The following TRHDE variants were observed in gnomAD, a reference collection of about 807,000 sequenced individuals.
The protein encoded by TRHDE is thyrotropin releasing hormone degrading enzyme, also known as thyrotropin-releasing hormone-degrading ectoenzyme.
Under a neutral mutation model 125.7 loss-of-function variants are expected in TRHDE, and 72 were observed. The ratio of observed to expected loss-of-function variants is 0.57; its 90% CI spans 0.47 to 0.70. The LOEUF is 0.70. TRHDE is among the 30% of genes least tolerant of loss of function. The pLI, the probability that TRHDE is intolerant of heterozygous loss-of-function variation, is 0.00. For synonymous variants in TRHDE, 509 were observed against 509.1 expected, an observed-to-expected ratio of 1.00 and a Z score of 0.00; for missense variants, 1,110 against 1,327.1, an observed-to-expected ratio of 0.84 and a Z score of 2.54.
Position 72,563,489 on chromosome 12 carries a change from C to A in TRHDE, c.2042+449C>A, listed in dbSNP as rs572231779. Among the ~76,000 whole-genome samples, 10 of 152,134 alleles carry A rather than the reference C, an allele frequency of 6.6e-5. No homozygotes were observed. The South Asian group carries it at 2.1e-3, about 32-fold the overall frequency. ...ATGTCTGAGTCAAAGGAATTTAAAA[C>A]GATACCTTAAAATGATCTAATGATT... On this transcript the variant is annotated intron_variant, in intron 9 of 18. Transcript: ENST00000261180.
chr12:72,261,079 T>A (rs941283147), intron 2 of TRHDE, among the ~76,000 whole-genome samples: 1 of 152,202 alleles, frequency 6.6e-6, no homozygotes, highest in Non-Finnish European at 1.5e-5. Flanking sequence ...ATGCACAGTT[T>A]AAGAAAGATT....
chr12:72,139,788 C>T (rs1876071210), intron 2 of TRHDE, among the ~76,000 whole-genome samples: 2 of 152,204 alleles, frequency 1.3e-5, no homozygotes, highest in Admixed American at 6.5e-5. Flanking sequence ...CGAATGGACC[C>T]CTCTTCTCGG....
intron 1 of TRHDE, among the ~76,000 whole-genome samples, chr12:72,097,279 C>A (rs1314051227): frequency 6.6e-6 from 1 of 152,110 alleles, no homozygotes; most frequent in African/African-American, 2.4e-5. Flanking sequence ...ACCTATGCTT[C>A]TGATAATAGG....
At chr12:72,310,461 A>T (rs530480243) in intron 2 of TRHDE, among the ~76,000 whole-genome samples, 2 of 152,358 alleles carry the variant, frequency 1.3e-5, no homozygotes, top group African/African-American at 4.8e-5. Flanking sequence ...TAATATACAT[A>T]AAAGTGTTCT....
intron 3 of TRHDE, among the ~76,000 whole-genome samples, chr12:72,468,854 A>T (rs1464103473): frequency 6.6e-6 from 1 of 152,124 alleles, no homozygotes; most frequent in Non-Finnish European, 1.5e-5. Context: ...TGGTCCAGGG[A>T]GAGGTTTATT....
At chr12:72,534,388 G>A (rs1171731583) in intron 6 of TRHDE, among the ~76,000 whole-genome samples, 1 of 151,982 alleles carries the variant, frequency 6.6e-6, no homozygotes, top group Non-Finnish European at 1.5e-5. Context: ...TCTTGTTGCT[G>A]GTATCTATGG....
intron 2 of TRHDE, among the ~76,000 whole-genome samples, chr12:72,233,528 TAAG>T (rs1486414380): frequency 6.6e-6 from 1 of 152,050 alleles, no homozygotes; most frequent in African/African-American, 2.4e-5. Context: ...AGTATAATAA[TAAG>T]AAGCAAATTT....
intron 9 of TRHDE, among the ~76,000 whole-genome samples, chr12:72,566,700 A>C (rs1466296975): frequency 2.0e-5 from 3 of 151,938 alleles, no homozygotes; most frequent in African/African-American, 7.2e-5. Context: ...GAGAATTTTT[A>C]AATGTCCTCA....
At position 72,584,121 on chromosome 12, in the gene TRHDE, C is replaced by G. The variant is rs559747925; in HGVS notation, c.2321+8579C>G. Reference sequence around the variant, plus strand: ...ACTTTTAGATTGTGCTGCATTAAATCAAAAGCAAATTTGTAACCTTCCAGT... The same window carrying G: ...ACTTTTAGATTGTGCTGCATTAAATGAAAAGCAAATTTGTAACCTTCCAGT... On this transcript the variant is annotated intron_variant, in intron 12 of 18. Coordinates refer to ENST00000261180, the MANE Select transcript of TRHDE (RefSeq NM_013381.3). 2.6e-5 allele frequency among the ~76,000 whole-genome samples: 4 copies of G among 152,096 alleles called. No homozygotes were observed. In the South Asian group the frequency reaches 6.2e-4, roughly 24 times the overall value.
intron 2 of TRHDE, among the ~76,000 whole-genome samples, chr12:72,221,901 T>C (rs958420158): frequency 6.6e-6 from 1 of 152,094 alleles, no homozygotes; most frequent in Non-Finnish European, 1.5e-5. Flanking sequence ...CTCATGCAGT[T>C]GCAGTGAAAT....
chr12:72,503,245 T>TC (rs1878227609), intron 6 of TRHDE, among the ~76,000 whole-genome samples: 1 of 152,184 alleles, frequency 6.6e-6, no homozygotes, highest in East Asian at 1.9e-4. Context: ...GATGGGGTTG[T>TC]TATGATCATA....
At chr12:72,325,412 T>C (rs1337932084) in intron 2 of TRHDE, among the ~76,000 whole-genome samples, 1 of 152,120 alleles carries the variant, frequency 6.6e-6, no homozygotes, top group Admixed American at 6.6e-5. Flanking sequence ...TTAAAACAAA[T>C]GAACAGTTCT....
intron 2 of TRHDE, among the ~76,000 whole-genome samples, chr12:72,235,887 A>G (rs1442515288): frequency 1.3e-5 from 2 of 152,196 alleles, no homozygotes; most frequent in East Asian, 1.9e-4. Flanking sequence ...TGTGGGAAGT[A>G]TATTATTGCA....
intron 3 of TRHDE, among the ~76,000 whole-genome samples, chr12:72,420,429 A>C (rs76319141): frequency 1.1e-3 from 174 of 152,298 alleles, no homozygotes; most frequent in Non-Finnish European, 2.1e-3. Context: ...TTACATAAGC[A>C]ACTATAAAGG....
chr12:72,370,268 C>A (rs184482486), intron 2 of TRHDE, among the ~76,000 whole-genome samples: 2 of 152,242 alleles, frequency 1.3e-5, no homozygotes, highest in African/African-American at 4.8e-5. Context: ...CCATCTATTT[C>A]TCTGCATCCC....
intron 2 of TRHDE, among the ~76,000 whole-genome samples, chr12:72,212,700 G>A (rs1326880631): frequency 6.6e-6 from 1 of 152,088 alleles, no homozygotes; most frequent in Non-Finnish European, 1.5e-5. Flanking sequence ...GATGGCAAAA[G>A]TATGGAAAAA....
intron 6 of TRHDE, among the ~76,000 whole-genome samples, chr12:72,512,338 A>C (rs193299034): frequency 6.7e-6 from 1 of 148,816 alleles, no homozygotes; most frequent in African/African-American, 2.5e-5. Flanking sequence ...AGTAGTCATA[A>C]TGAAAAATAA....
chr12:72,528,530 T>C (rs1213699961), intron 6 of TRHDE, among the ~76,000 whole-genome samples: 1 of 152,212 alleles, frequency 6.6e-6, no homozygotes, highest in Non-Finnish European at 1.5e-5. Context: ...CTTCTTTTTT[T>C]TTTGAGACGG....
chr12:72,243,285 C>T (rs1401882593), intron 2 of TRHDE, among the ~76,000 whole-genome samples: 4 of 152,100 alleles, frequency 2.6e-5, no homozygotes, highest in Non-Finnish European at 4.4e-5. Context: ...GTACAGTATG[C>T]TTTTTTTCTA....
Sources: allele counts gnomAD v4.1 joint callset (sites outside exome capture counted in the v4.1 genomes callset), GRCh38; gene constraint gnomAD v4.1.1; transcripts MANE v1.5; gene names NCBI Gene and HGNC (gene_info 2026-07-23, HGNC 2026-07-21).